HDAC9: variants seen among roughly 807,000 people sequenced by gnomAD.
HDAC9 encodes the protein MEF-2 interacting transcription repressor (MITR) protein.
In HDAC9, 41 loss-of-function variants were observed where a neutral mutation model predicts 139.4. The ratio of observed to expected loss-of-function variants is 0.29; its 90% CI spans 0.23 to 0.38. HDAC9 has a LOEUF of 0.38. HDAC9 is among the 10% of genes least tolerant of loss of function. HDAC9 has a pLI of 1.00. For missense variants in HDAC9, 1,147 were observed against 1,297.0 expected, an observed-to-expected ratio of 0.88 and a Z score of 1.78; for synonymous variants, 517 against 476.2, an observed-to-expected ratio of 1.09 and a Z score of -1.12.
At chr7:18,441,040 A>G (rs1275323652) in intron 1 of HDAC9, among the ~76,000 whole-genome samples, 2 of 152,232 alleles carry the variant, frequency 1.3e-5, no homozygotes, top group East Asian at 1.9e-4. Flanking sequence ...AGAATTTGGC[A>G]ATTCAATGGA....
At chr7:18,732,854 T>TGTGTGCGTATGTGTACACACACAC (rs1562893051) in intron 13 of HDAC9, among the ~76,000 whole-genome samples, 814 of 69,288 alleles carry the variant, frequency 0.012, 76 homozygotes, top group Non-Finnish European at 0.015. Context: ...CACGTGTGTA[T>TGTGTGCGTATGTGTACACACACAC]GTGTGCGTAT....
intron 21 of HDAC9, among the ~76,000 whole-genome samples, chr7:18,840,978 T>G (rs1429655480): frequency 6.6e-6 from 1 of 152,102 alleles, no homozygotes; most frequent in Non-Finnish European, 1.5e-5. Flanking sequence ...TATTGTCATA[T>G]CCACACTGCA....
chr7:18,158,883 C>G (rs1217714039), intron 1 of HDAC9, among the ~76,000 whole-genome samples: 1 of 152,210 alleles, frequency 6.6e-6, no homozygotes, highest in African/African-American at 2.4e-5. Flanking sequence ...CAGGATGTCA[C>G]TGTCTTGAGT....
chr7:18,491,019 C>T (rs1228793037), upstream of HDAC9, among the ~76,000 whole-genome samples: 1 of 151,906 alleles, frequency 6.6e-6, no homozygotes, highest in Non-Finnish European at 1.5e-5. Context: ...TGCTTGATTA[C>T]AGATGAACTG....
chr7:18,148,174 C>T (rs575552999), intron 1 of HDAC9, among the ~76,000 whole-genome samples: 19 of 152,318 alleles, frequency 1.2e-4, no homozygotes, highest in African/African-American at 4.6e-4. Flanking sequence ...CTTGAAACAA[C>T]AGAAATGTAT....
rs531497178 is a variant in HDAC9 at position 18,932,934 on chromosome 7, A to G, written c.2804-2875A>G. ...TTTGTAATAAAGTTTTAAGGTCCAT[A>G]TTTATAATATACATGTGCAAACAAA... is the stretch of plus-strand genomic sequence containing the variant. On this transcript the variant is annotated intron_variant, in intron 22 of 25. Coordinates refer to ENST00000686413, the MANE Select transcript of HDAC9 (RefSeq NM_178425.4). Among the ~76,000 whole-genome samples, 5 of 152,100 alleles carry G rather than the reference A, an allele frequency of 3.3e-5. 1 individual carries two copies. In the South Asian group the frequency reaches 1.0e-3, roughly 32 times the overall value.
Position 18,689,229 on chromosome 7 carries a change from T to TCCCTC in HDAC9, c.1731+22755_1731+22756insCTCCC. On this transcript the variant is annotated intron_variant, in intron 12 of 25. Transcript: ENST00000686413. ...TTCTTTTCTAAACATTATTGCAACTTCCAAATGAATACATTATTTCCCTCC... is the reference window on the plus strand; with the variant it reads ...TTCTTTTCTAAACATTATTGCAACTTCCCTCCCAAATGAATACATTATTTCCCTCC... Among the ~76,000 whole-genome samples the TCCCTC allele has an allele frequency of 2.0e-5, 3 of 151,506 alleles. No individual in the cohort carries two copies. The Middle Eastern group carries it at 0.01, about 519-fold the overall frequency.
In HDAC9 at chr7:18,669,594, T is replaced by A. The variant is rs148811746; in HGVS notation, c.1731+3118T>A. On this transcript the variant is annotated intron_variant, in intron 12 of 25. Transcript: ENST00000686413. ...GTCACAATTCTGGAAATACCATTAT[T>A]GCTAATTATAATTTCCTGAAATTTG... Among the ~76,000 whole-genome samples the A allele has an allele frequency of 2.9e-4, 44 of 152,030 alleles. 2 individuals carry two copies. Among genetic ancestry groups the A allele is most frequent in the Admixed American group, 2.9e-3 (44 of 15,252 alleles).
intron 22 of HDAC9, among the ~76,000 whole-genome samples, chr7:18,899,695 C>G (rs985732259): frequency 1.3e-5 from 2 of 151,814 alleles, no homozygotes; most frequent in African/African-American, 4.8e-5. Context: ...AAGCCTTGAA[C>G]TATTCAATGT....
At chr7:18,414,331 A>G (rs1788847022) in intron 1 of HDAC9, among the ~76,000 whole-genome samples, 1 of 152,132 alleles carries the variant, frequency 6.6e-6, no homozygotes, top group African/African-American at 2.4e-5. Context: ...GACAAAAAGT[A>G]ACTTTAATGT....
chr7:18,783,618 A>C (rs546101395), intron 16 of HDAC9, among the ~76,000 whole-genome samples: 2 of 150,304 alleles, frequency 1.3e-5, no homozygotes, highest in African/African-American at 4.9e-5. Flanking sequence ...TTAAGCTTTG[A>C]TGGTTACCAC....
intron 2 of HDAC9, among the ~76,000 whole-genome samples, chr7:18,558,567 A>G (rs1238036502): frequency 4.6e-5 from 7 of 152,122 alleles, no homozygotes; most frequent in Non-Finnish European, 8.8e-5. Context: ...TGATAAATAG[A>G]TTTAGTCCCT....
intron 1 of HDAC9, among the ~76,000 whole-genome samples, chr7:18,341,033 G>T (rs1781967198): frequency 6.6e-6 from 1 of 151,054 alleles, no homozygotes; most frequent in Admixed American, 6.6e-5. Context: ...GAAAATGTTG[G>T]CTCCACTATC....
intron 12 of HDAC9, among the ~76,000 whole-genome samples, chr7:18,719,422 C>T (rs968425874): frequency 1.4e-5 from 2 of 144,882 alleles, no homozygotes; most frequent in Non-Finnish European, 3.0e-5. Flanking sequence ...TCACTGCAAC[C>T]TCCATTTCCT....
rs1002286776 is a variant in HDAC9, at chr7:19,000,120, A to G, written c.*4058A>G. The G allele has an allele frequency of 3.3e-5, 5 of 152,260 alleles. No individual in the cohort carries two copies. The highest frequency in any genetic ancestry group is 9.6e-5 in the African/African-American group (4 of 41,468). The allele number at this position is 152,260 out of a possible 1,614,324, so 9.4% of individuals were successfully genotyped here. A position where few individuals can be genotyped will look rare whatever the true frequency, so the allele number is the denominator to read the frequency against. On this transcript the variant is annotated 3_prime_UTR_variant, in exon 26 of 26. Transcript: ENST00000686413. ...AAAAGAAATGAAAACCAGATGGTCTATGCTAAGAAGTGAAGGCATTTTGTT... is the reference window on the plus strand; with the variant it reads ...AAAAGAAATGAAAACCAGATGGTCTGTGCTAAGAAGTGAAGGCATTTTGTT...
Position 19,000,035 on chromosome 7 carries a change from T to C in HDAC9, c.*3973T>C, listed in dbSNP as rs1011475337. The C allele has an allele frequency of 6.6e-6, 1 of 152,158 alleles. No individual in the cohort carries two copies. The highest frequency in any genetic ancestry group is 1.5e-5 in the Non-Finnish European group (1 of 68,028). The allele number at this position is 152,158 out of a possible 1,614,324, so 9.4% of individuals were successfully genotyped here. ...CTGAGAAAATAAGGGGAAAACAAGATAGAAGTAAAAAACAACACACCTGTT... is the reference window on the plus strand; with the variant it reads ...CTGAGAAAATAAGGGGAAAACAAGACAGAAGTAAAAAACAACACACCTGTT... On this transcript the variant is annotated 3_prime_UTR_variant, in exon 26 of 26. Coordinates refer to ENST00000686413, the MANE Select transcript of HDAC9 (RefSeq NM_178425.4).
chr7:18,607,555 G>T (rs1835872474), intron 6 of HDAC9, among the ~76,000 whole-genome samples: 1 of 152,160 alleles, frequency 6.6e-6, no homozygotes, highest in Non-Finnish European at 1.5e-5. Context: ...GAATTATTAA[G>T]AATAATAGTA....
chr7:18,838,958 C>T (rs983299601), intron 21 of HDAC9, among the ~76,000 whole-genome samples: 1 of 151,740 alleles, frequency 6.6e-6, no homozygotes, highest in African/African-American at 2.4e-5. Context: ...ATAGACAAAC[C>T]AAAGATTTCA....
intron 2 of HDAC9, among the ~76,000 whole-genome samples, chr7:18,499,900 C>T (rs926855092): frequency 1.3e-5 from 2 of 152,026 alleles, no homozygotes; most frequent in Admixed American, 1.3e-4. Context: ...TCAGTAGTCA[C>T]GTCACTTATG....
Sources: allele counts gnomAD v4.1 joint callset (sites outside exome capture counted in the v4.1 genomes callset), GRCh38; gene constraint gnomAD v4.1.1; transcripts MANE v1.5; gene names NCBI Gene and HGNC (gene_info 2026-07-23, HGNC 2026-07-21).